Variants in SYN3 observed in about 807,000 individuals in gnomAD.
SYN3 encodes the protein synapsin-3.
SYN3 carries 35 observed loss-of-function variants against 65.8 expected under a neutral mutation model. That is an observed-to-expected ratio of 0.53 (90% CI 0.41 to 0.70). SYN3 has a LOEUF of 0.70. SYN3 is among the 30% of genes least tolerant of loss of function. SYN3 has a pLI of 0.00. For synonymous variants in SYN3, 270 were observed against 292.9 expected, an observed-to-expected ratio of 0.92 and a Z score of 0.80; for missense variants, 680 against 749.0, an observed-to-expected ratio of 0.91 and a Z score of 1.08.
intron 4 of SYN3, among the ~76,000 whole-genome samples, chr22:32,869,758 C>A (rs1397361885): frequency 6.7e-6 from 1 of 149,244 alleles, no homozygotes; most frequent in Non-Finnish European, 1.5e-5. Flanking sequence ...ATTTGATGGC[C>A]GAGCCCATGC....
intron 6 of SYN3, among the ~76,000 whole-genome samples, chr22:32,820,002 A>G (rs1350594693): frequency 6.6e-6 from 1 of 152,130 alleles, no homozygotes; most frequent in East Asian, 1.9e-4. Context: ...TTAGAGCCCA[A>G]GGGAATCAGG....
At chr22:32,998,607 C>T (rs1002098860) in intron 2 of SYN3, among the ~76,000 whole-genome samples, 11 of 151,916 alleles carry the variant, frequency 7.2e-5, no homozygotes, top group Non-Finnish European at 1.6e-4. Context: ...ATTCGCTGCT[C>T]CCCCAACAGC....
intron 3 of SYN3, among the ~76,000 whole-genome samples, chr22:32,967,751 A>C (rs1241474632): frequency 6.6e-6 from 1 of 152,214 alleles, no homozygotes; most frequent in Non-Finnish European, 1.5e-5. Context: ...TGAAATGCAA[A>C]GGCTCAAATC....
intron 2 of SYN3, among the ~76,000 whole-genome samples, chr22:32,988,179 T>C (rs1484204239): frequency 6.6e-6 from 1 of 151,926 alleles, no homozygotes; most frequent in Non-Finnish European, 1.5e-5. Flanking sequence ...TGGTGGTGCA[T>C]GCCTGTAATC....
At chr22:32,850,124 T>C (rs1601536489) in intron 6 of SYN3, among the ~76,000 whole-genome samples, 1 of 150,594 alleles carries the variant, frequency 6.6e-6, no homozygotes, top group East Asian at 1.9e-4. Flanking sequence ...CAATGTTTGC[T>C]AAGCATATTC....
rs905198206 is a variant in SYN3 at position 32,968,902 on chromosome 22, G to C, written c.369+11743C>G. On this transcript the variant is annotated intron_variant, in intron 3 of 13. Coordinates refer to ENST00000358763, the MANE Select transcript of SYN3 (RefSeq NM_003490.4). ...CATTAGGACAAAGTACAGAGCAGGTGCTCGGTGAGTGCTTCTTGAATGAAG... is the reference window on the plus strand; with the variant it reads ...CATTAGGACAAAGTACAGAGCAGGTCCTCGGTGAGTGCTTCTTGAATGAAG... Among the ~76,000 whole-genome samples, 61 of 152,338 alleles carry C rather than the reference G, an allele frequency of 4.0e-4. 1 individual carries two copies. Among genetic ancestry groups the C allele is most frequent in the African/African-American group, 1.4e-3 (59 of 41,576 alleles).
intron 4 of SYN3, among the ~76,000 whole-genome samples, chr22:32,883,530 C>A (rs931062487): frequency 1.3e-5 from 2 of 152,200 alleles, no homozygotes; most frequent in African/African-American, 4.8e-5. Flanking sequence ...ACCCAAGGAG[C>A]TCTCAAAACT....
chr22:33,006,769 G>C lies in SYN3; in HGVS notation c.-107C>G. On this transcript the variant is annotated 5_prime_UTR_variant, in exon 2 of 14. Coordinates refer to ENST00000358763, the MANE Select transcript of SYN3 (RefSeq NM_003490.4). ...GGGAGTGGTAGGACTTTAGCCAGAA[G>C]AGCCAGGGGGATTTTGCGCAACCAG... 1 of 1,179,594 alleles carries C rather than the reference G, an allele frequency of 8.5e-7. No individual in the cohort carries two copies. Among genetic ancestry groups the C allele is most frequent in the East Asian group, 2.4e-5 (1 of 41,608 alleles). The allele number at this position is 1,179,594 out of a possible 1,614,324, so 73.1% of individuals were successfully genotyped here. A position where few individuals can be genotyped will look rare whatever the true frequency, so the allele number is the denominator to read the frequency against.
At position 32,859,258 on chromosome 22, in the gene SYN3, G is replaced by A. The variant is rs773990898; in HGVS notation, c.711+5657C>T. ...CTGGACCGACATGCTCTCCAATTTC[G>A]GTTACCCTGGCTACCAGTCCAAACA... is the stretch of plus-strand genomic sequence containing the variant. On this transcript the variant is annotated intron_variant, in intron 6 of 13. Transcript: ENST00000358763. 21 of 1,614,012 alleles carry A rather than the reference G, an allele frequency of 1.3e-5. No individual in the cohort carries two copies. Among genetic ancestry groups the A allele is most frequent in the African/African-American group, 8.0e-5 (6 of 74,904 alleles).
intron 10 of SYN3, among the ~76,000 whole-genome samples, chr22:32,533,397 T>C (rs2058109621): frequency 6.6e-6 from 1 of 152,076 alleles, no homozygotes; most frequent in African/African-American, 2.4e-5. Flanking sequence ...GCCATGTTTG[T>C]TGAATGAACA....
At chr22:33,053,755 G>C (rs2054209750) in intron 1 of SYN3, among the ~76,000 whole-genome samples, 1 of 152,156 alleles carries the variant, frequency 6.6e-6, no homozygotes, top group Admixed American at 6.6e-5. Flanking sequence ...ACCAGGGATA[G>C]ATGCCCCTGC....
chr22:33,004,969 G>A (rs962548588), intron 2 of SYN3, among the ~76,000 whole-genome samples: 2 of 152,150 alleles, frequency 1.3e-5, no homozygotes, highest in African/African-American at 4.8e-5. Flanking sequence ...TTACCCCCAC[G>A]TTGGTGTTCT....
intron 7 of SYN3, among the ~76,000 whole-genome samples, chr22:32,570,281 G>A (rs3788455): frequency 0.31 from 47,801 of 152,042 alleles, 7,740 homozygotes; most frequent in East Asian, 0.52. Flanking sequence ...TCCCGCCAGG[G>A]GATGGCTAGA....
intron 6 of SYN3, among the ~76,000 whole-genome samples, chr22:32,807,355 A>AATATATAAATATATT (rs1555968073): frequency 5.0e-5 from 1 of 19,904 alleles, no homozygotes; most frequent in Non-Finnish European, 9.6e-5. Flanking sequence ...ATAAATATAT[A>AATATATAAATATATT]ATATATAATA....
At chr22:32,882,742 C>T (rs2049176964) in intron 4 of SYN3, among the ~76,000 whole-genome samples, 1 of 151,734 alleles carries the variant, frequency 6.6e-6, no homozygotes, top group Non-Finnish European at 1.5e-5. Flanking sequence ...GGATCTGAAG[C>T]AAACATGGCA....
intron 6 of SYN3, among the ~76,000 whole-genome samples, chr22:32,832,443 T>A (rs1307733821): frequency 2.0e-5 from 3 of 151,452 alleles, no homozygotes. Flanking sequence ...CAAACTCACA[T>A]AGAAAATGAA....
intron 4 of SYN3, among the ~76,000 whole-genome samples, chr22:32,881,388 G>A (rs973654248): frequency 4.6e-5 from 7 of 152,208 alleles, no homozygotes; most frequent in African/African-American, 1.7e-4. Flanking sequence ...CCACATCTGT[G>A]CTCTGTCGGG....
intron 6 of SYN3, among the ~76,000 whole-genome samples, chr22:32,603,356 C>CAAAAAAAAAAAAAAA (rs10670581): frequency 4.0e-5 from 5 of 125,952 alleles, no homozygotes; most frequent in Non-Finnish European, 5.2e-5. Flanking sequence ...ACTAAAAATA[C>CAAAAAAAAAAAAAAA]AAAAAAAAAA....
intron 7 of SYN3, 77 bp from the exon 8 acceptor site, chr22:32,541,790 T>G: frequency 6.5e-7 from 1 of 1,527,458 alleles, no homozygotes; most frequent in South Asian, 1.2e-5. Context: ...GAACAAGTGC[T>G]CTGTCTATAG....
Sources: allele counts gnomAD v4.1 joint callset (sites outside exome capture counted in the v4.1 genomes callset), GRCh38; gene constraint gnomAD v4.1.1; transcripts MANE v1.5; gene names NCBI Gene and HGNC (gene_info 2026-07-23, HGNC 2026-07-21).